LDB2: variants seen among roughly 807,000 people sequenced by gnomAD.
LDB2 encodes the protein LIM domain binding 2, also known as LIM domain-binding protein 2.
LDB2 carries 12 observed loss-of-function variants against 44.3 expected under a neutral mutation model. The observed-to-expected ratio is 0.27, with a 90% CI of 0.17 to 0.44. LDB2 has a LOEUF of 0.44. Ranked by LOEUF, LDB2 falls within the 20% of genes least tolerant of loss-of-function variation. LDB2 has a pLI of 1.00. For missense variants in LDB2, 344 were observed against 473.5 expected (o/e 0.73, Z 2.54); for synonymous variants, 164 against 174.8 (o/e 0.94, Z 0.49).
chr4:16,512,649 A>G (rs1560320269), intron 5 of LDB2, among the ~76,000 whole-genome samples: 1 of 152,232 alleles, frequency 6.6e-6, no homozygotes, highest in Non-Finnish European at 1.5e-5. Flanking sequence ...CTTAACTCTT[A>G]GAAAGGTGGA....
chr4:16,609,373 A>G (rs1477640119), intron 2 of LDB2, among the ~76,000 whole-genome samples: 4 of 149,466 alleles, frequency 2.7e-5, no homozygotes, highest in African/African-American at 1.0e-4. Flanking sequence ...GGGAAGGGCA[A>G]CCAGCTGCCT....
intron 1 of LDB2, among the ~76,000 whole-genome samples, chr4:16,877,429 T>C (rs1934286441): frequency 1.3e-5 from 2 of 152,228 alleles, no homozygotes; most frequent in Non-Finnish European, 2.9e-5. Flanking sequence ...CTGAGACCCA[T>C]TATGCAAATC....
chr4:16,855,684 A>G (rs995129637), intron 1 of LDB2, among the ~76,000 whole-genome samples: 3 of 152,156 alleles, frequency 2.0e-5, no homozygotes, highest in African/African-American at 7.2e-5. Flanking sequence ...ATATCTGCCT[A>G]TGTGAGTGTG....
In LDB2 at chr4:16,850,575, A is replaced by G. The variant is rs191224607; in HGVS notation, c.132+47779T>C. Among the ~76,000 whole-genome samples, 192 of 152,292 alleles carry G rather than the reference A, an allele frequency of 1.3e-3. 1 individual carries two copies. The highest frequency in any genetic ancestry group is 4.2e-3 in the African/African-American group (176 of 41,556). ...TTGTAGAAATTTGAACAGTCTAAGA[A>G]TTAAAAAGTAACCATACGGTGATCC... On this transcript the variant is annotated intron_variant, in intron 1 of 7. Transcript: ENST00000304523.
intron 1 of LDB2, among the ~76,000 whole-genome samples, chr4:16,870,983 T>A (rs1377800674): frequency 6.6e-6 from 1 of 152,228 alleles, no homozygotes; most frequent in Non-Finnish European, 1.5e-5. Context: ...TAGACCTGCA[T>A]ACACTGCTTC....
intron 2 of LDB2, among the ~76,000 whole-genome samples, chr4:16,602,899 C>A (rs913990652): frequency 2.6e-5 from 4 of 152,156 alleles, no homozygotes; most frequent in Non-Finnish European, 5.9e-5. Context: ...CATCTTGTCT[C>A]TCCTGTTTCC....
chr4:16,502,980 A>G, intron 7 of LDB2, 107 bp from the exon 8 acceptor site: 6 of 1,604,318 alleles, frequency 3.7e-6, no homozygotes, highest in African/African-American at 1.3e-5. Context: ...ACACTCGTGT[A>G]CTGTACAACG....
intron 2 of LDB2, among the ~76,000 whole-genome samples, chr4:16,730,674 A>G (rs1420982224): frequency 6.6e-6 from 1 of 152,180 alleles, no homozygotes; most frequent in Non-Finnish European, 1.5e-5. Context: ...TTAGGAAAGC[A>G]TGGGACGGAA....
At chr4:16,750,288 C>T (rs973241327) in intron 2 of LDB2, among the ~76,000 whole-genome samples, 8 of 152,280 alleles carry the variant, frequency 5.3e-5, no homozygotes, top group South Asian at 2.1e-4. Context: ...TAGAGTTCAT[C>T]GTGTATGGGT....
At chr4:16,609,356 G>GA (rs1294708707) in intron 2 of LDB2, among the ~76,000 whole-genome samples, 1 of 148,870 alleles carries the variant, frequency 6.7e-6, no homozygotes, top group East Asian at 2.1e-4. Context: ...GGGGGCGGGG[G>GA]GGGGAGGGGA....
intron 2 of LDB2, among the ~76,000 whole-genome samples, chr4:16,715,827 G>A (rs753402049): frequency 6.6e-6 from 1 of 152,120 alleles, no homozygotes; most frequent in South Asian, 2.1e-4. Flanking sequence ...CAAGGAATAC[G>A]TGTGCATGGA....
intron 2 of LDB2, among the ~76,000 whole-genome samples, chr4:16,677,547 G>A (rs1477324479): frequency 1.3e-5 from 2 of 152,134 alleles, no homozygotes; most frequent in African/African-American, 4.8e-5. Context: ...AGCAGCATTG[G>A]CTCTGCTGAT....
intron 1 of LDB2, among the ~76,000 whole-genome samples, chr4:16,817,170 GA>G (rs1230270669): frequency 6.6e-6 from 1 of 152,110 alleles, no homozygotes; most frequent in Non-Finnish European, 1.5e-5. Context: ...TTTTGTAAAG[GA>G]TCGATGTATC....
chr4:16,567,728 C>T (rs1425562955), intron 5 of LDB2, among the ~76,000 whole-genome samples: 1 of 152,156 alleles, frequency 6.6e-6, no homozygotes, highest in Non-Finnish European at 1.5e-5. Context: ...CGAGATCGTG[C>T]CACTGCACTC....
intron 2 of LDB2, among the ~76,000 whole-genome samples, chr4:16,712,565 A>G (rs1756145605): frequency 6.6e-6 from 1 of 152,160 alleles, no homozygotes; most frequent in Non-Finnish European, 1.5e-5. Context: ...AAAAACAAAA[A>G]GAAAAGAAAA....
At chr4:16,815,955 C>T (rs1780805421) in intron 1 of LDB2, among the ~76,000 whole-genome samples, 1 of 152,180 alleles carries the variant, frequency 6.6e-6, no homozygotes, top group Non-Finnish European at 1.5e-5. Context: ...TGCCTATAAT[C>T]CCAGCACTTT....
At chr4:16,600,935 A>ATT (rs1217427231) in intron 2 of LDB2, among the ~76,000 whole-genome samples, 1 of 152,176 alleles carries the variant, frequency 6.6e-6, no homozygotes, top group Non-Finnish European at 1.5e-5. Flanking sequence ...TCCCCAAAGC[A>ATT]GAAGGTCTGC....
chr4:16,724,555 T>C lies in LDB2; in HGVS notation c.235+34603A>G, dbSNP rs143039798. 6.3e-4 allele frequency among the ~76,000 whole-genome samples: 96 copies of C among 152,170 alleles called. 1 individual carries two copies. In the East Asian group the frequency reaches 0.012, roughly 20 times the overall value. ...GGCTTCTCTCTAGCCCCAGTTCAAGTTACCCTTAACTGGGCTATGGTAAAT... is the reference window on the plus strand; with the variant it reads ...GGCTTCTCTCTAGCCCCAGTTCAAGCTACCCTTAACTGGGCTATGGTAAAT... On this transcript the variant is annotated intron_variant, in intron 2 of 7. Transcript: ENST00000304523.
intron 1 of LDB2, among the ~76,000 whole-genome samples, chr4:16,835,498 AG>A: frequency 6.6e-6 from 1 of 152,216 alleles, no homozygotes; most frequent in East Asian, 1.9e-4. Context: ...TTGTATGTAC[AG>A]ATCCAAATTG....
Sources: gnomAD v4.1 joint callset for allele counts (sites outside exome capture counted in the v4.1 genomes callset) on GRCh38, gnomAD v4.1.1 for gene constraint, MANE v1.5 for transcripts, NCBI Gene and HGNC (gene_info 2026-07-23, HGNC 2026-07-21) for gene names.